PALLD: variants seen among roughly 807,000 people sequenced by gnomAD.
The protein encoded by PALLD is palladin, cytoskeletal associated protein.
A neutral mutation model predicts 123.5 loss-of-function variants in PALLD; 61 were observed. That is an observed-to-expected ratio of 0.49 (90% confidence interval 0.40 to 0.61). The LOEUF (loss-of-function observed/expected upper bound fraction) is 0.61, where lower values mean the gene tolerates loss of function less well. Among genes scored for constraint, PALLD ranks in the 20% least tolerant of loss-of-function variants. The probability of loss-of-function intolerance (pLI) is 0.00; values close to 1 mark genes in which losing one functional copy is unlikely to be tolerated. For synonymous variants in PALLD, 465 were observed against 496.4 expected, an observed-to-expected ratio of 0.94 and a Z score of 0.84; for missense variants, 1,273 against 1,377.0, an observed-to-expected ratio of 0.92 and a Z score of 1.20.
At chr4:168,906,161 T>C (rs1407114787) in intron 15 of PALLD, among the ~76,000 whole-genome samples, 1 of 152,132 alleles carries the variant, frequency 6.6e-6, no homozygotes, top group African/African-American at 2.4e-5. Flanking sequence ...AAGGCTGGGG[T>C]ATATTATGGG....
At chr4:168,726,781 A>C (rs1009762029) in intron 10 of PALLD, among the ~76,000 whole-genome samples, 1 of 152,014 alleles carries the variant, frequency 6.6e-6, no homozygotes, top group Non-Finnish European at 1.5e-5. Context: ...TCTATTTTAG[A>C]TATAGGGGAT....
chr4:168,891,516 C>T (rs969969598), intron 11 of PALLD, among the ~76,000 whole-genome samples: 4 of 152,090 alleles, frequency 2.6e-5, no homozygotes, highest in Admixed American at 2.6e-4. Flanking sequence ...GGATTTGAAT[C>T]CAAAGACAAA....
chr4:168,881,809 T>A (rs1050136509), intron 10 of PALLD, among the ~76,000 whole-genome samples: 4 of 152,162 alleles, frequency 2.6e-5, no homozygotes, highest in African/African-American at 9.7e-5. Context: ...TGTAACCATG[T>A]TTCTCCACAT....
At chr4:168,664,725 G>A (rs1398693073) in intron 2 of PALLD, among the ~76,000 whole-genome samples, 3 of 144,914 alleles carry the variant, frequency 2.1e-5, no homozygotes, top group Non-Finnish European at 4.5e-5. Flanking sequence ...CCAGTTCTAT[G>A]TTGTTAAAAT....
chr4:168,502,971 G>A (rs564256353), intron 1 of PALLD, among the ~76,000 whole-genome samples: 3 of 152,296 alleles, frequency 2.0e-5, no homozygotes, highest in Non-Finnish European at 2.9e-5. Flanking sequence ...GGTTCTGGGA[G>A]GCTGAAAGCA....
At chr4:168,790,428 G>A (rs1737350704) in intron 10 of PALLD, among the ~76,000 whole-genome samples, 1 of 151,470 alleles carries the variant, frequency 6.6e-6, no homozygotes, top group Admixed American at 6.6e-5. Flanking sequence ...CCAAAGTGCT[G>A]GGATTACAGG....
chr4:168,746,342 C>T (rs1730294411), intron 10 of PALLD, among the ~76,000 whole-genome samples: 1 of 133,670 alleles, frequency 7.5e-6, no homozygotes, highest in Non-Finnish European at 1.5e-5. Context: ...GATTGCGCCA[C>T]TGCACTCCAG....
chr4:168,877,738 C>T, intron 10 of PALLD: 1 of 1,157,420 alleles, frequency 8.6e-7, no homozygotes, highest in Non-Finnish European at 1.1e-6. Context: ...CTCTGAAGCT[C>T]CAGCAACTCC....
chr4:168,891,199 G>A (rs1754107255), intron 11 of PALLD, 142 bp downstream of exon 11: 5 of 917,518 alleles, frequency 5.4e-6, no homozygotes, highest in African/African-American at 1.6e-5. Context: ...GTCACACTTT[G>A]TCACCCATGC....
chr4:168,783,542 A>G (rs1293168528), intron 10 of PALLD, among the ~76,000 whole-genome samples: 1 of 152,224 alleles, frequency 6.6e-6, no homozygotes, highest in Non-Finnish European at 1.5e-5. Flanking sequence ...AATAGTTAAA[A>G]GAAAGCAGGT....
At chr4:168,600,071 A>G (rs573191926) in intron 2 of PALLD, among the ~76,000 whole-genome samples, 8,882 of 141,642 alleles carry the variant, frequency 0.063, 165 homozygotes, top group Admixed American at 0.072. Flanking sequence ...ATACATGTGT[A>G]TACACACACA....
At chr4:168,907,862 C>T (rs2151350812) in intron 15 of PALLD, among the ~76,000 whole-genome samples, 1 of 152,184 alleles carries the variant, frequency 6.6e-6, no homozygotes, top group Non-Finnish European at 1.5e-5. Flanking sequence ...ATTCAAAGAA[C>T]CCAGAGCATC....
At chr4:168,817,958 C>T (rs1742208882) in intron 10 of PALLD, among the ~76,000 whole-genome samples, 1 of 152,084 alleles carries the variant, frequency 6.6e-6, no homozygotes, top group African/African-American at 2.4e-5. Flanking sequence ...CAGAACCTGC[C>T]CAGAAGAGTT....
intron 10 of PALLD, among the ~76,000 whole-genome samples, chr4:168,770,662 A>G (rs1734273309): frequency 3.9e-5 from 6 of 152,194 alleles, no homozygotes; most frequent in Admixed American, 3.9e-4. Flanking sequence ...GGGGTTTTCC[A>G]TGACTTTCTG....
At chr4:168,626,941 G>A (rs973675868) in intron 2 of PALLD, among the ~76,000 whole-genome samples, 7 of 152,094 alleles carry the variant, frequency 4.6e-5, no homozygotes, top group Non-Finnish European at 1.0e-4. Context: ...CCAGGGGCTT[G>A]GAGGAAGGAG....
chr4:168,831,001 A>G (rs1744131564), intron 10 of PALLD, among the ~76,000 whole-genome samples: 1 of 152,236 alleles, frequency 6.6e-6, no homozygotes, highest in Non-Finnish European at 1.5e-5. Context: ...TCATTCATTC[A>G]TGCATTCATT....
At position 168,559,920 on chromosome 4, in the gene PALLD, AAG is replaced by A. The variant is rs373079281; in HGVS notation, c.908+47523_908+47524del. 3.3e-5 allele frequency among the ~76,000 whole-genome samples: 5 copies of A among 150,818 alleles called. No individual in the cohort carries two copies. The South Asian group carries it at 6.3e-4, about 19-fold the overall frequency. Reference sequence around the variant, plus strand: ...AAAGAGAGAGAGAAAAAAAAAGAGAAAGAGAGAGAGAGAGAGCATGCAAGCAA... The same window carrying A: ...AAAGAGAGAGAGAAAAAAAAAGAGAAAGAGAGAGAGAGAGCATGCAAGCAA... On this transcript the variant is annotated intron_variant, in intron 2 of 21. Coordinates refer to ENST00000505667, the MANE Select transcript of PALLD (RefSeq NM_001166108.2).
intron 10 of PALLD, among the ~76,000 whole-genome samples, chr4:168,723,967 A>G (rs370158613): frequency 2.6e-4 from 36 of 140,190 alleles, no homozygotes; most frequent in African/African-American, 9.3e-4. Flanking sequence ...ATGTCAGCTC[A>G]CTGCAACCTC....
At chr4:168,741,511 C>G (rs892508333) in intron 10 of PALLD, among the ~76,000 whole-genome samples, 1 of 151,942 alleles carries the variant, frequency 6.6e-6, no homozygotes, top group African/African-American at 2.4e-5. Context: ...GACGTCAAGA[C>G]CATGGCTCTT....
Sources: allele counts gnomAD v4.1 joint callset (sites outside exome capture counted in the v4.1 genomes callset), GRCh38; gene constraint gnomAD v4.1.1; transcripts MANE v1.5; gene names NCBI Gene and HGNC (gene_info 2026-07-23, HGNC 2026-07-21).